Variants in CCDC141 observed in about 807,000 individuals in gnomAD.
CCDC141 encodes the protein coiled-coil domain-containing protein 141.
CCDC141 carries 168 observed loss-of-function variants against 181.0 expected under a neutral mutation model. The ratio of observed to expected loss-of-function variants is 0.93; its 90% confidence interval spans 0.82 to 1.05. The LOEUF (loss-of-function observed/expected upper bound fraction) is 1.05, where lower values mean the gene tolerates loss of function less well. CCDC141 is among the 50% of genes least tolerant of loss of function. The pLI, the probability that CCDC141 is intolerant of heterozygous loss-of-function variation, is 0.00. For missense variants in CCDC141, 1,902 were observed against 1,788.5 expected (o/e 1.06, Z -1.14); for synonymous variants, 666 against 642.3 (o/e 1.04, Z -0.56).
At chr2:178,913,484 G>A (rs1688307876) in intron 7 of CCDC141, among the ~76,000 whole-genome samples, 1 of 151,702 alleles carries the variant, frequency 6.6e-6, no homozygotes, top group African/African-American at 2.4e-5. Flanking sequence ...GGCCTAAAAT[G>A]TGTTTATTTT....
chr2:179,003,735 T>C (rs2042048297), intron 2 of CCDC141, among the ~76,000 whole-genome samples: 1 of 152,162 alleles, frequency 6.6e-6, no homozygotes, highest in South Asian at 2.1e-4. Context: ...GGAATGCCAA[T>C]CATGATAGCT....
chr2:178,994,171 G>A (rs1371008704), intron 2 of CCDC141, among the ~76,000 whole-genome samples: 2 of 152,160 alleles, frequency 1.3e-5, no homozygotes, highest in African/African-American at 4.8e-5. Flanking sequence ...TTCTGTTTGT[G>A]GGCTCCAACC....
At chr2:178,816,304 C>G in the CCDC141 span, among the ~76,000 whole-genome samples, 2 of 152,266 alleles carry the variant, frequency 1.3e-5, no homozygotes, top group African/African-American at 2.4e-5. Flanking sequence ...CAGTATGTAG[C>G]CTTTTCAGAT....
At chr2:179,045,110 A>G (rs903602238) in intron 2 of CCDC141, among the ~76,000 whole-genome samples, 6 of 150,308 alleles carry the variant, frequency 4.0e-5, no homozygotes, top group Non-Finnish European at 7.4e-5. Flanking sequence ...CACTGCACCC[A>G]CTAACTCGTC....
At chr2:178,855,607 T>C (rs1685350763) in intron 18 of CCDC141, 66 bp from the exon 19 acceptor site, 1 of 1,109,888 alleles carries the variant, frequency 9.0e-7, no homozygotes, top group Non-Finnish European at 1.2e-6. Context: ...AGTGATTAAA[T>C]ACTGAGAGAA....
At chr2:178,955,816 T>C (rs1306278106) in intron 5 of CCDC141, among the ~76,000 whole-genome samples, 1 of 152,258 alleles carries the variant, frequency 6.6e-6, no homozygotes, top group Non-Finnish European at 1.5e-5. Flanking sequence ...CTTTTTGTTT[T>C]AAACTATCAA....
chr2:179,001,003 G>A lies in CCDC141; in HGVS notation c.226-22328C>T, dbSNP rs184216055. ...AGATGCATGAGGAGTGAATAGCCAGGCCTGGGTGATGCTCATTTGCCCAGG... is the reference window on the plus strand; with the variant it reads ...AGATGCATGAGGAGTGAATAGCCAGACCTGGGTGATGCTCATTTGCCCAGG... On this transcript the variant is annotated intron_variant, in intron 2 of 23. Transcript: ENST00000443758. 2.0e-4 allele frequency among the ~76,000 whole-genome samples: 30 copies of A among 152,250 alleles called. 1 individual carries two copies. The East Asian group carries it at 5.2e-3, about 26-fold the overall frequency.
At chr2:178,852,808 T>C (rs527539673) in intron 20 of CCDC141, among the ~76,000 whole-genome samples, 37 of 152,062 alleles carry the variant, frequency 2.4e-4, no homozygotes, top group Admixed American at 5.2e-4. Context: ...TCATCCTCCA[T>C]GGACTTCTTA....
At chr2:178,930,923 A>C (rs1424664460) in intron 6 of CCDC141, among the ~76,000 whole-genome samples, 1 of 152,172 alleles carries the variant, frequency 6.6e-6, no homozygotes, top group East Asian at 1.9e-4. Context: ...TATGACACCA[A>C]AAACATAGCA....
At chr2:178,838,171 T>C (rs1390967327) in intron 22 of CCDC141, among the ~76,000 whole-genome samples, 2 of 152,214 alleles carry the variant, frequency 1.3e-5, no homozygotes, top group Non-Finnish European at 2.9e-5. Flanking sequence ...TGTTAGGTGA[T>C]TCCTTGGACT....
At position 178,845,638 on chromosome 2, in the gene CCDC141, T is replaced by C; in HGVS notation, c.3462A>G (p.Glu1154=). The part of the protein sequence containing the change: ...PAKNKQTIFN[E]ERNKGQVQVA... Reference sequence around the variant, plus strand: ...TAGTTTTCTTTACCTTATTCCTTTCTTCATTGAATATTGTCTGCTTATTTT... The same window carrying C: ...TAGTTTTCTTTACCTTATTCCTTTCCTCATTGAATATTGTCTGCTTATTTT... Residue 1154 remains glutamate, a synonymous_variant, in exon 22 of 24, where the codon GAA becomes GAG. Coordinates refer to ENST00000443758, the MANE Select transcript of CCDC141 (RefSeq NM_173648.4). 1.3e-6 allele frequency: 2 copies of C among 1,584,982 alleles called. No individual in the cohort carries two copies. Among genetic ancestry groups the C allele is most frequent in the Non-Finnish European group, 1.7e-6 (2 of 1,153,686 alleles).
rs561615263 is a variant in CCDC141, at chr2:179,049,903, C to T, written c.39G>A (p.Thr13=). 88 of 1,550,598 alleles carry T rather than the reference C, an allele frequency of 5.7e-5. No homozygotes were observed. Among genetic ancestry groups the T allele is most frequent in the Non-Finnish European group, 5.8e-5 (67 of 1,146,972 alleles). Reference sequence around the variant, plus strand: ...GCACAGCAACTGAACTGACTGTCGTCGTAGAAAGCGCAACACTAGGACTTC... The same window carrying T: ...GCACAGCAACTGAACTGACTGTCGTTGTAGAAAGCGCAACACTAGGACTTC... The part of the protein sequence containing the change: ...SQGSPSVALS[T]TTVSSVAVQA... Residue 13 remains threonine, a synonymous_variant, in exon 1 of 24, where the codon ACG becomes ACA. Coordinates refer to ENST00000443758, the MANE Select transcript of CCDC141 (RefSeq NM_173648.4).
At chr2:179,005,302 A>G (rs932816254) in intron 2 of CCDC141, among the ~76,000 whole-genome samples, 1 of 88,442 alleles carries the variant, frequency 1.1e-5, no homozygotes, top group African/African-American at 3.4e-5. Context: ...TGTGAACATT[A>G]TTTGGAGAAT....
chr2:178,866,596 C>T (rs764359547), intron 16 of CCDC141, among the ~76,000 whole-genome samples: 11 of 151,970 alleles, frequency 7.2e-5, no homozygotes, highest in Non-Finnish European at 1.6e-4. Context: ...ATAAAATGGG[C>T]CATTATGATT....
chr2:178,954,904 A>G (rs1690097367), intron 5 of CCDC141, among the ~76,000 whole-genome samples: 1 of 152,142 alleles, frequency 6.6e-6, no homozygotes, highest in African/African-American at 2.4e-5. Flanking sequence ...CATGATAACT[A>G]TAAAACCCAA....
intron 22 of CCDC141, among the ~76,000 whole-genome samples, chr2:178,843,398 G>C (rs568358755): frequency 6.6e-6 from 1 of 152,170 alleles, no homozygotes; most frequent in African/African-American, 2.4e-5. Context: ...CCACCAAATA[G>C]TTGCACGACT....
chr2:178,979,955 T>C (rs1559022989), intron 2 of CCDC141, among the ~76,000 whole-genome samples: 1 of 152,176 alleles, frequency 6.6e-6, no homozygotes, highest in Middle Eastern at 3.2e-3. Context: ...TTAGACAACT[T>C]GTTTTTAAAG....
chr2:179,029,955 G>A (rs1421381909), intron 2 of CCDC141, among the ~76,000 whole-genome samples: 1 of 152,018 alleles, frequency 6.6e-6, no homozygotes, highest in Non-Finnish European at 1.5e-5. Context: ...GCTTAGTCCT[G>A]GAGAACAGGC....
chr2:178,939,747 T>G (rs1689431754), intron 6 of CCDC141, among the ~76,000 whole-genome samples: 2 of 152,012 alleles, frequency 1.3e-5, no homozygotes, highest in Admixed American at 6.6e-5. Context: ...TATACTCTTT[T>G]GTGTGTGTGG....
Sources: gnomAD v4.1 joint callset for allele counts (sites outside exome capture counted in the v4.1 genomes callset) on GRCh38, gnomAD v4.1.1 for gene constraint, MANE v1.5 for transcripts, NCBI Gene and HGNC (gene_info 2026-07-23, HGNC 2026-07-21) for gene names.